The following SPAG17 variants were observed in gnomAD, a reference collection of about 807,000 sequenced individuals.
SPAG17 encodes the protein sperm associated antigen 17.
A neutral mutation model predicts 273.6 loss-of-function variants in SPAG17; 169 were observed. That is an observed-to-expected ratio of 0.62 (90% CI 0.55 to 0.70). The LOEUF (loss-of-function observed/expected upper bound fraction) is 0.70. SPAG17 is among the 30% of genes least tolerant of loss of function. The pLI, the probability that SPAG17 is intolerant of heterozygous loss-of-function variation, is 0.00. For synonymous variants in SPAG17, 825 were observed against 873.2 expected (o/e 0.94, Z 0.97); for missense variants, 2,557 against 2,627.8 (o/e 0.97, Z 0.59).
chr1:118,085,939 A>C lies in SPAG17; in HGVS notation c.1745T>G (p.Met582Arg), dbSNP rs989300009. The change falls in exon 13 of 49, where the codon ATG becomes AGG. Residue 582 changes from methionine (M) to arginine (R), a missense_variant. Physicochemically the swap from Met to Arg is moderately conservative, Grantham distance 91. Coordinates refer to ENST00000336338, the MANE Select transcript of SPAG17 (RefSeq NM_206996.4). ...GGACTCACCACTCGTACAAAAGTGC[A>C]TAAGCTCATGAATTGTAGCTAGACG... is the stretch of plus-strand genomic sequence containing the variant. ...TKRLATIHEL[M>R]HFCTSDVLSW... The C allele has an allele frequency of 3.1e-6, 5 of 1,608,332 alleles. 1 individual carries two copies. The Middle Eastern group carries it at 4.9e-4, about 159-fold the overall frequency.
At chr1:117,982,046 G>A (rs188405432) in intron 42 of SPAG17, among the ~76,000 whole-genome samples, 1 of 152,112 alleles carries the variant, frequency 6.6e-6, no homozygotes, top group Non-Finnish European at 1.5e-5. Flanking sequence ...GGCTGCAGGA[G>A]GTCTGAGACG....
At position 118,114,233 on chromosome 1, in the gene SPAG17, G is replaced by T. The variant is rs1319032795; in HGVS notation, c.447+1077C>A. ...ACGATGGAAAGAGTTTCACTAGATG[G>T]AAAACTGTACTATCAATTATGTTAA... On this transcript the variant is annotated intron_variant, in intron 4 of 48. Coordinates refer to ENST00000336338, the MANE Select transcript of SPAG17 (RefSeq NM_206996.4). Among the ~76,000 whole-genome samples, 5 of 152,002 alleles carry T rather than the reference G, an allele frequency of 3.3e-5. No homozygotes were observed. In the East Asian group the frequency reaches 7.7e-4, roughly 23 times the overall value.
intron 43 of SPAG17, among the ~76,000 whole-genome samples, chr1:117,974,206 T>C (rs138930417): frequency 2.3e-3 from 345 of 152,254 alleles, no homozygotes; most frequent in African/African-American, 7.9e-3. Flanking sequence ...CTGGGTCAAA[T>C]TGTAGTTCTA....
chr1:117,971,992 A>G lies in SPAG17; in HGVS notation c.6197T>C (p.Ile2066Thr), dbSNP rs1654613460. The G allele has an allele frequency of 6.2e-7, 1 of 1,614,128 alleles. No homozygotes were observed. Among genetic ancestry groups the G allele is most frequent in the East Asian group, 2.2e-5 (1 of 44,892 alleles). The change falls in exon 45 of 49, where the codon ATT becomes ACT. Residue 2066 changes from isoleucine (I) to threonine (T), a missense_variant. Coordinates refer to ENST00000336338, the MANE Select transcript of SPAG17 (RefSeq NM_206996.4). Reference protein sequence around the residue: ...VNTSSVASAAINNAKSSLFGF... With the variant: ...VNTSSVASAATNNAKSSLFGF... ...AAAAAGGGATGACTTTGCATTATTA[A>G]TGGCAGCAGATGCAACAGAGGATGT...
chr1:118,084,867 C>T (rs746607495), intron 13 of SPAG17, among the ~76,000 whole-genome samples: 1 of 152,120 alleles, frequency 6.6e-6, no homozygotes, highest in Non-Finnish European at 1.5e-5. Context: ...CTGCTAGGAT[C>T]TCAGCTTTCT....
At chr1:117,957,087 C>A in intron 48 of SPAG17, 1 of 1,597,596 alleles carries the variant, frequency 6.3e-7, no homozygotes. Flanking sequence ...AGAATCTCTA[C>A]TTGTGCTGCC....
At chr1:117,960,513 A>T (rs1344114977) in intron 48 of SPAG17, 1 of 152,234 alleles carries the variant, frequency 6.6e-6, no homozygotes, top group African/African-American at 2.4e-5. Flanking sequence ...TGTGGTACTT[A>T]TCAAGCATCA....
At chr1:117,991,842 TG>T (rs554159155) in intron 36 of SPAG17, among the ~76,000 whole-genome samples, 192 of 152,334 alleles carry the variant, frequency 1.3e-3, no homozygotes, top group Non-Finnish European at 1.9e-3. Context: ...TTAGATGATG[TG>T]TAGGATCCTT....
At chr1:118,036,406 A>G (rs1435015247) in intron 24 of SPAG17, among the ~76,000 whole-genome samples, 1 of 152,048 alleles carries the variant, frequency 6.6e-6, no homozygotes, top group Non-Finnish European at 1.5e-5. Flanking sequence ...GCTCATTTTT[A>G]TGGGGTAGTT....
intron 1 of SPAG17, among the ~76,000 whole-genome samples, chr1:118,161,730 T>C (rs1257908490): frequency 6.6e-6 from 1 of 152,006 alleles, no homozygotes; most frequent in Non-Finnish European, 1.5e-5. Context: ...AGAGACAGGG[T>C]TTCACCGTGT....
chr1:117,965,039 A>T (rs550458923), intron 47 of SPAG17: 4 of 152,164 alleles, frequency 2.6e-5, no homozygotes, highest in Non-Finnish European at 5.9e-5. Flanking sequence ...TCCTTCCTAT[A>T]TTCTGTTGCA....
Position 117,981,308 on chromosome 1 carries a change from G to T in SPAG17, c.5966C>A (p.Ala1989Asp). The change falls in exon 43 of 49, where the codon GCT (alanine) becomes GAT (aspartate). Residue 1989 changes from alanine (A) to aspartate (D), a missense_variant. Physicochemically the swap from Ala to Asp is moderately radical, Grantham distance 126 (BLOSUM62 -2). Transcript: ENST00000336338. ...EISADKKDFTAQNQTENLTKS... is the reference protein window; with the variant it reads ...EISADKKDFTDQNQTENLTKS... The stretch of plus-strand genomic sequence containing the variant: ...TGTTAAATTTTCAGTTTGGTTCTGA[G>T]CAGTGAAATCCTTCTTATCTGCAGA... The T allele has an allele frequency of 1.9e-6, 3 of 1,594,006 alleles. No individual in the cohort carries two copies. The highest frequency in any genetic ancestry group is 2.6e-6 in the Non-Finnish European group (3 of 1,175,224).
chr1:118,166,597 C>T lies in SPAG17; in HGVS notation c.88-15228G>A, dbSNP rs527787855. ...TGTCTAATTTTTTTTTCTAAAATTG[C>T]AGGCTAAAACTCCAGACCTTCTGCA... is the stretch of plus-strand genomic sequence containing the variant. On this transcript the variant is annotated intron_variant, in intron 1 of 48. Transcript: ENST00000336338. 2.6e-5 allele frequency among the ~76,000 whole-genome samples: 4 copies of T among 152,060 alleles called. No homozygotes were observed. The South Asian group carries it at 8.3e-4, about 32-fold the overall frequency.
chr1:118,038,586 A>G (rs1253876718), intron 23 of SPAG17, among the ~76,000 whole-genome samples: 1 of 152,226 alleles, frequency 6.6e-6, no homozygotes, highest in African/African-American at 2.4e-5. Context: ...AATATTATTT[A>G]GTTTTCAAAA....
At chr1:118,092,701 A>G (rs1250407788) in intron 8 of SPAG17, among the ~76,000 whole-genome samples, 1 of 152,028 alleles carries the variant, frequency 6.6e-6, no homozygotes, top group African/African-American at 2.4e-5. Flanking sequence ...GACCAAGTTT[A>G]TTTCTTCTAC....
At chr1:118,161,254 T>C (rs758491403) in intron 1 of SPAG17, among the ~76,000 whole-genome samples, 1 of 152,234 alleles carries the variant, frequency 6.6e-6, no homozygotes, top group Non-Finnish European at 1.5e-5. Flanking sequence ...GAGCTGGAGC[T>C]GTGCAGTAAT....
intron 7 of SPAG17, among the ~76,000 whole-genome samples, chr1:118,095,472 G>A (rs1655648914): frequency 6.6e-6 from 1 of 152,220 alleles, no homozygotes; most frequent in African/African-American, 2.4e-5. Flanking sequence ...ATAAGGCTGG[G>A]ATCTCCTGTG....
At chr1:118,168,351 G>A (rs1660265891) in intron 1 of SPAG17, among the ~76,000 whole-genome samples, 1 of 152,038 alleles carries the variant, frequency 6.6e-6, no homozygotes, top group South Asian at 2.1e-4. Flanking sequence ...ATTCTTTTCA[G>A]CAACGTTTTC....
At chr1:117,979,491 G>A (rs1655522891) in intron 43 of SPAG17, among the ~76,000 whole-genome samples, 1 of 151,942 alleles carries the variant, frequency 6.6e-6, no homozygotes, top group Non-Finnish European at 1.5e-5. Flanking sequence ...AGCAACTCTC[G>A]CATGTGCCAC....
Sources: gnomAD v4.1 joint callset for allele counts (sites outside exome capture counted in the v4.1 genomes callset) on GRCh38, gnomAD v4.1.1 for gene constraint, MANE v1.5 for transcripts, NCBI Gene and HGNC (gene_info 2026-07-23, HGNC 2026-07-21) for gene names.